Variants in ADGRB3 observed in about 807,000 individuals in gnomAD.
ADGRB3 encodes the protein adhesion G protein-coupled receptor B3.
Under a neutral mutation model 193.4 loss-of-function variants are expected in ADGRB3, and 37 were observed. That is an observed-to-expected ratio of 0.19 (90% CI 0.15 to 0.25). The LOEUF is 0.25. ADGRB3 is among the 10% of genes least tolerant of loss of function. The probability of loss-of-function intolerance (pLI) is 1.00; values close to 1 mark genes in which losing one functional copy is unlikely to be tolerated. For synonymous variants in ADGRB3, 690 were observed against 644.2 expected (o/e 1.07, Z -1.08); for missense variants, 1,637 against 1,852.9 (o/e 0.88, Z 2.14).
At chr6:68,668,936 C>T (rs1290718648) in intron 3 of ADGRB3, among the ~76,000 whole-genome samples, 1 of 151,796 alleles carries the variant, frequency 6.6e-6, no homozygotes, top group African/African-American at 2.4e-5. Context: ...GTAATCATCC[C>T]GTAGCATTGT....
chr6:68,805,030 C>T (rs1767376705), intron 3 of ADGRB3, among the ~76,000 whole-genome samples: 1 of 152,076 alleles, frequency 6.6e-6, no homozygotes, highest in Admixed American at 6.6e-5. Context: ...TGGGCTCAAA[C>T]AATCCTCCCA....
chr6:69,309,275 G>T (rs1386030710), intron 20 of ADGRB3, among the ~76,000 whole-genome samples: 1 of 151,716 alleles, frequency 6.6e-6, no homozygotes, highest in South Asian at 2.1e-4. Flanking sequence ...GAATAAAAAT[G>T]AGAATTTTCA....
intron 20 of ADGRB3, among the ~76,000 whole-genome samples, chr6:69,247,162 A>G (rs1766515620): frequency 6.6e-6 from 1 of 152,136 alleles, no homozygotes; most frequent in Non-Finnish European, 1.5e-5. Flanking sequence ...TTAAAGAAAA[A>G]GAAATACCTG....
At chr6:68,878,191 T>G (rs1765642323) in intron 3 of ADGRB3, among the ~76,000 whole-genome samples, 1 of 152,078 alleles carries the variant, frequency 6.6e-6, no homozygotes, top group African/African-American at 2.4e-5. Flanking sequence ...CTTTTTCTTT[T>G]TATTGAAAAA....
chr6:68,801,396 C>A (rs1029392325), intron 3 of ADGRB3, among the ~76,000 whole-genome samples: 3 of 151,990 alleles, frequency 2.0e-5, no homozygotes, highest in African/African-American at 7.2e-5. Flanking sequence ...CTTCTTAAAT[C>A]CCATATCCAG....
rs773250653 is a variant in ADGRB3, at chr6:68,993,776, G to C, written c.1743G>C (p.Glu581Asp). 2 of 1,613,098 alleles carry C rather than the reference G, an allele frequency of 1.2e-6. No individual in the cohort carries two copies. The highest frequency in any genetic ancestry group is 3.3e-5 in the Admixed American group (2 of 59,980). The change falls in exon 11 of 32, where the codon GAG becomes GAC. Residue 581 changes from glutamate (E) to aspartate (D), a missense_variant. Transcript: ENST00000370598. ...EYRHLQHSIK[E>D]HLAKGQRMLA... The stretch of plus-strand genomic sequence containing the variant: ...TCTTTTGACCATCACAGATTAAAGA[G>C]CACCTTGCTAAGGGGCAGCGAATGC...
chr6:68,689,880 C>G (rs1201254611), intron 3 of ADGRB3, among the ~76,000 whole-genome samples: 1 of 152,070 alleles, frequency 6.6e-6, no homozygotes, highest in African/African-American at 2.4e-5. Context: ...GTTTTCTTGA[C>G]CCCAACATTT....
At chr6:68,718,120 A>G (rs542031804) in intron 3 of ADGRB3, among the ~76,000 whole-genome samples, 1 of 151,888 alleles carries the variant, frequency 6.6e-6, no homozygotes, top group African/African-American at 2.4e-5. Context: ...TGTTTTGCCT[A>G]TTTTAAATGT....
At chr6:68,973,009 A>C (rs1295800422) in intron 8 of ADGRB3, among the ~76,000 whole-genome samples, 1 of 152,218 alleles carries the variant, frequency 6.6e-6, no homozygotes, top group Non-Finnish European at 1.5e-5. Flanking sequence ...TGAAGGTTGA[A>C]TTAACTGCTA....
intron 20 of ADGRB3, among the ~76,000 whole-genome samples, chr6:69,293,425 AC>A (rs767994712): frequency 8.1e-4 from 123 of 152,212 alleles, no homozygotes; most frequent in Non-Finnish European, 1.5e-3. Context: ...ACTAGTTCAA[AC>A]TAAGAATTCC....
At chr6:69,005,692 A>C (rs1705916052) in intron 11 of ADGRB3, among the ~76,000 whole-genome samples, 1 of 152,130 alleles carries the variant, frequency 6.6e-6, no homozygotes, top group South Asian at 2.1e-4. Context: ...GTGGGAAAGC[A>C]AGGACAGACC....
At chr6:68,863,349 C>T (rs12527569) in intron 3 of ADGRB3, among the ~76,000 whole-genome samples, 13,715 of 151,912 alleles carry the variant, frequency 0.09, 820 homozygotes, top group Non-Finnish European at 0.13. Context: ...TAGTGTTTCT[C>T]ATCACATATT....
intron 3 of ADGRB3, among the ~76,000 whole-genome samples, chr6:68,670,827 G>C (rs1390566447): frequency 6.6e-6 from 1 of 151,884 alleles, no homozygotes; most frequent in Non-Finnish European, 1.5e-5. Flanking sequence ...GGATTTCATT[G>C]AATCTGTGGA....
chr6:68,951,586 T>G (rs1437051258), intron 6 of ADGRB3, among the ~76,000 whole-genome samples: 3 of 152,164 alleles, frequency 2.0e-5, no homozygotes, highest in Non-Finnish European at 4.4e-5. Flanking sequence ...TATAAATCTT[T>G]ACTCCTGTGT....
At chr6:69,332,573 A>T (rs1768753571) in intron 23 of ADGRB3, 2 of 985,338 alleles carry the variant, frequency 2.0e-6, no homozygotes, top group African/African-American at 3.5e-5. Flanking sequence ...GGCATAGGGT[A>T]AAACTGCTTT....
At chr6:69,078,442 C>T (rs1054623446) in intron 17 of ADGRB3, among the ~76,000 whole-genome samples, 3 of 151,958 alleles carry the variant, frequency 2.0e-5, no homozygotes, top group Admixed American at 6.6e-5. Flanking sequence ...CATAGACATT[C>T]ACACTATTTT....
chr6:69,158,306 G>A (rs1373675717), intron 17 of ADGRB3, among the ~76,000 whole-genome samples: 1 of 151,702 alleles, frequency 6.6e-6, no homozygotes, highest in Admixed American at 6.6e-5. Context: ...AAATAGCATT[G>A]GATAATTGCA....
intron 4 of ADGRB3, among the ~76,000 whole-genome samples, chr6:68,932,209 T>C (rs1397473835): frequency 6.6e-6 from 1 of 152,164 alleles, no homozygotes; most frequent in Non-Finnish European, 1.5e-5. Flanking sequence ...ATGGCAGGCA[T>C]TGGTTTACTG....
chr6:69,284,904 GAAATA>G (rs1217585252), intron 20 of ADGRB3, among the ~76,000 whole-genome samples: 1 of 151,808 alleles, frequency 6.6e-6, no homozygotes, highest in East Asian at 1.9e-4. Flanking sequence ...AAACACATCA[GAAATA>G]AAATAAAGTT....
Sources: gnomAD v4.1 joint callset for allele counts (sites outside exome capture counted in the v4.1 genomes callset) on GRCh38, gnomAD v4.1.1 for gene constraint, MANE v1.5 for transcripts, NCBI Gene and HGNC (gene_info 2026-07-23, HGNC 2026-07-21) for gene names.